The following F10 variants were observed in gnomAD, a reference collection of about 807,000 sequenced individuals.
F10 encodes coagulation factor X, also known as Stuart-Prower factor.
F10 carries 29 observed loss-of-function variants against 37.1 expected under a neutral mutation model. The ratio of observed to expected loss-of-function variants is 0.78; its 90% CI spans 0.58 to 1.07. F10 has a LOEUF of 1.07. Among genes scored for constraint, F10 ranks in the 50% least tolerant of loss-of-function variants. The probability of loss-of-function intolerance (pLI) is 0.00; values close to 1 mark genes in which losing one functional copy is unlikely to be tolerated. For synonymous variants in F10, 262 were observed against 268.6 expected (o/e 0.98, Z 0.24); for missense variants, 539 against 667.9 (o/e 0.81, Z 2.13).
At chr13:113,145,674 G>A (rs1311600931) in intron 6 of F10, among the ~76,000 whole-genome samples, 4 of 152,206 alleles carry the variant, frequency 2.6e-5, no homozygotes, top group Admixed American at 6.5e-5. Context: ...GGCTGGGGAG[G>A]CCTCACCGTC....
intron 2 of F10, among the ~76,000 whole-genome samples, chr13:113,133,931 G>A (rs184682235): frequency 3.9e-5 from 6 of 152,214 alleles, no homozygotes; most frequent in Admixed American, 3.9e-4. Flanking sequence ...ACATAATCAT[G>A]TCAATTGATG....
chr13:113,141,051 G>C lies in F10; in HGVS notation c.502+1G>C. 1.2e-6 allele frequency: 2 copies of C among 1,613,512 alleles called. No individual in the cohort carries two copies. Among genetic ancestry groups the C allele is most frequent in the Non-Finnish European group, 1.7e-6 (2 of 1,179,980 alleles). ...AACGGCAAGGCCTGCATTCCCACAG[G>C]TAGGAGGCACGTTGGGCCACAGCCA... On this transcript the variant is annotated splice_donor_variant, in intron 5 of 7. Coordinates refer to ENST00000375559, the MANE Select transcript of F10 (RefSeq NM_000504.4). LOFTEE classifies it high-confidence loss of function. This position sits in a 1 kb window ranked among gnomAD's most constrained non-coding sequence, Gnocchi z 5.4.
intron 7 of F10, among the ~76,000 whole-genome samples, chr13:113,148,345 A>ATATATAT (rs1555396301): frequency 5.2e-5 from 5 of 95,416 alleles, no homozygotes; most frequent in African/African-American, 1.6e-4. Context: ...AAAAAAAAAA[A>ATATATAT]ATATATATAT....
chr13:113,145,062 A>G, intron 6 of F10, among the ~76,000 whole-genome samples: 1 of 152,058 alleles, frequency 6.6e-6, no homozygotes, highest in Non-Finnish European at 1.5e-5. Context: ...TTGTATTTTT[A>G]GTAGAGACGG....
At chr13:113,128,860 G>C (rs967196007) in intron 1 of F10, 5 of 122,876 alleles carry the variant, frequency 4.1e-5, no homozygotes, top group African/African-American at 1.3e-4. Flanking sequence ...CAGCCTGGAT[G>C]ACAGAGCAAA....
rs758980620 is a variant in F10 at position 113,148,921 on chromosome 13, C to G, written c.871C>G (p.Arg291Gly). 1 of 1,613,342 alleles carries G rather than the reference C, an allele frequency of 6.2e-7. No individual in the cohort carries two copies. Among genetic ancestry groups the G allele is most frequent in the Non-Finnish European group, 8.5e-7 (1 of 1,179,886 alleles). Reference sequence around the variant, plus strand: ...GTCCCACTCGTCTGTCCCAGGGGACCGGAACACGGAGCAGGAGGAGGGCGG... The same window carrying G: ...GTCCCACTCGTCTGTCCCAGGGGACGGGAACACGGAGCAGGAGGAGGGCGG... Reference protein sequence around the residue: ...AKRFKVRVGDRNTEQEEGGEA... With the variant: ...AKRFKVRVGDGNTEQEEGGEA... The change falls in exon 8 of 8, where the codon CGG becomes GGG. Residue 291 changes from arginine to glycine, a missense_variant. Coordinates refer to ENST00000375559, the MANE Select transcript of F10 (RefSeq NM_000504.4).
intron 1 of F10, among the ~76,000 whole-genome samples, chr13:113,126,619 T>TG (rs1377420700): frequency 6.6e-6 from 1 of 152,048 alleles, no homozygotes; most frequent in Non-Finnish European, 1.5e-5. Context: ...AGCAGGCATA[T>TG]GTCCATCTGG....
chr13:113,140,742 C>T (rs908534550), intron 4 of F10, 177 bp from the exon 5 acceptor site: 24 of 896,794 alleles, frequency 2.7e-5, no homozygotes, highest in Middle Eastern at 2.4e-4. Context: ...ATGAGCTCCC[C>T]GTGACCCGTG....
intron 1 of F10, 74 bp downstream of exon 1, chr13:113,122,999 C>T: frequency 2.0e-6 from 3 of 1,518,178 alleles, no homozygotes; most frequent in Non-Finnish European, 2.7e-6. Context: ...GGGAAACCCT[C>T]TCATCTCTGC....
Position 113,144,129 on chromosome 13 carries a change from G to A in F10, c.747+34G>A. On this transcript the variant is annotated intron_variant, in intron 6 of 7. Transcript: ENST00000375559. This position sits in a 1 kb window ranked among gnomAD's most constrained non-coding sequence, Gnocchi z 6.4. ...AGGATGTCCCCTCGGGCCTGCTGGA[G>A]AGACCACCTGTCCCGCTGTGCACCT... The A allele has an allele frequency of 1.9e-6, 3 of 1,612,368 alleles. No individual in the cohort carries two copies. The South Asian group carries it at 3.3e-5, about 18-fold the overall frequency.
chr13:113,143,293 T>C lies in F10; in HGVS notation c.503-558T>C, dbSNP rs1041008291. On this transcript the variant is annotated intron_variant, in intron 5 of 7. Coordinates refer to ENST00000375559, the MANE Select transcript of F10 (RefSeq NM_000504.4). This position sits in a 1 kb window ranked among gnomAD's most constrained non-coding sequence, Gnocchi z 6.8. ...TCCTAACATCTCGGCGTGGCCTCTC[T>C]GGGAGCTGTGCTATTCCAGACGCTC... 1.3e-5 allele frequency among the ~76,000 whole-genome samples: 2 copies of C among 152,196 alleles called. No homozygotes were observed. Among genetic ancestry groups the C allele is most frequent in the African/African-American group, 4.8e-5 (2 of 41,452 alleles).
In F10 at chr13:113,149,203, G is replaced by A. The variant is rs542927834; in HGVS notation, c.1153G>A (p.Val385Met). ...TRLKMLEVPY[V>M]DRNSCKLSSS... ...GCTCAAGATGCTGGAGGTGCCCTACGTGGACCGCAACAGCTGCAAGCTGTC... is the reference window on the plus strand; with the variant it reads ...GCTCAAGATGCTGGAGGTGCCCTACATGGACCGCAACAGCTGCAAGCTGTC... The change falls in exon 8 of 8, where the codon GTG (valine) becomes ATG (methionine). Residue 385 changes from valine (V) to methionine (M), a missense_variant. Transcript: ENST00000375559. The surrounding 1 kb of genome is among the most constrained non-coding windows in gnomAD (Gnocchi z 7.5). The A allele has an allele frequency of 2.1e-5, 34 of 1,612,988 alleles. No individual in the cohort carries two copies. Among genetic ancestry groups the A allele is most frequent in the South Asian group, 1.9e-4 (17 of 91,066 alleles).
chr13:113,129,015 TCAAA>T (rs774367469), intron 1 of F10: 1 of 217,770 alleles, frequency 4.6e-6, no homozygotes, highest in South Asian at 7.2e-5. Context: ...TCAAAATATG[TCAAA>T]CAAATACAAT....
intron 2 of F10, chr13:113,130,280 A>C (rs1186769480): frequency 6.4e-6 from 1 of 155,252 alleles, no homozygotes; most frequent in Non-Finnish European, 1.4e-5. Context: ...GAGCAATGCC[A>C]CCAGGCCGCG....
chr13:113,128,148 T>G (rs1277481414), intron 1 of F10: 2 of 152,252 alleles, frequency 1.3e-5, no homozygotes, highest in Non-Finnish European at 2.9e-5. Context: ...AGCCAAACTC[T>G]GTAAAATATT....
Position 113,139,357 on chromosome 13 carries a change from A to G in F10, c.257A>G (p.Asp86Gly). The G allele has an allele frequency of 6.2e-7, 1 of 1,613,720 alleles. No homozygotes were observed. The highest frequency in any genetic ancestry group is 8.5e-7 in the Non-Finnish European group (1 of 1,179,684). The change falls in exon 4 of 8, where the codon GAT (aspartate) becomes GGT (glycine). Residue 86 changes from aspartate to glycine, a missense_variant and splice_region_variant. Physicochemically the swap from Asp to Gly is moderately conservative, Grantham distance 94 (BLOSUM62 -1). Around this residue, in one of 2 missense-constraint regions of F10, gnomAD observed 130 missense variants for 120.0 expected, o/e 1.08. Transcript: ENST00000375559. This position sits in a 1 kb window ranked among gnomAD's most constrained non-coding sequence, Gnocchi z 5.2. ...KTNEFWNKYKDGDQCETSPCQ... is the reference protein window; with the variant it reads ...KTNEFWNKYKGGDQCETSPCQ... ...CAGTTTCGAAATCCTCTCTTTGCAGATGGCGACCAGTGTGAGACCAGTCCT... is the reference window on the plus strand; with the variant it reads ...CAGTTTCGAAATCCTCTCTTTGCAGGTGGCGACCAGTGTGAGACCAGTCCT...
chr13:113,144,309 G>C lies in F10; in HGVS notation c.747+214G>C, dbSNP rs1216102387. The C allele has an allele frequency of 1.5e-6, 1 of 678,944 alleles. No homozygotes were observed. The highest frequency in any genetic ancestry group is 2.5e-6 in the Non-Finnish European group (1 of 404,442). The allele number at this position is 678,944 out of a possible 1,614,324, so 42.1% of individuals were successfully genotyped here. A position where few individuals can be genotyped will look rare whatever the true frequency, so the allele number is the denominator to read the frequency against. On this transcript the variant is annotated intron_variant, in intron 6 of 7. Coordinates refer to ENST00000375559, the MANE Select transcript of F10 (RefSeq NM_000504.4). The surrounding 1 kb of genome is among the most constrained non-coding windows in gnomAD (Gnocchi z 6.4). ...TCCACAGGGAAGTGGCCGGGGCTGAGGGAGAGGCTGGGCCCAGGCAACGCC... is the reference window on the plus strand; with the variant it reads ...TCCACAGGGAAGTGGCCGGGGCTGACGGAGAGGCTGGGCCCAGGCAACGCC...
In F10 at chr13:113,129,443, G is replaced by A; in HGVS notation, c.71-9G>A. 6.2e-7 allele frequency: 1 copy of A among 1,613,208 alleles called. No individual in the cohort carries two copies. Among genetic ancestry groups the A allele is most frequent in the Non-Finnish European group, 8.5e-7 (1 of 1,179,920 alleles). On this transcript the variant is annotated splice_polypyrimidine_tract_variant and intron_variant, in intron 1 of 7. Coordinates refer to ENST00000375559, the MANE Select transcript of F10 (RefSeq NM_000504.4). ...CAGAGCTTTTAACCCTGTCCTCCCT[G>A]CCTTCCAGTGTTCATCCGCAGGGAG...
Position 113,141,148 on chromosome 13 carries a change from C to T in F10, c.502+98C>T, listed in dbSNP as rs1156702275. ...GGTGGGGACACAGGCATGTTCTGGGCGGGCCTGGCAGGTAACAGTGACACC... is the reference window on the plus strand; with the variant it reads ...GGTGGGGACACAGGCATGTTCTGGGTGGGCCTGGCAGGTAACAGTGACACC... On this transcript the variant is annotated intron_variant, in intron 5 of 7. Coordinates refer to ENST00000375559, the MANE Select transcript of F10 (RefSeq NM_000504.4). The surrounding 1 kb of genome is among the most constrained non-coding windows in gnomAD (Gnocchi z 5.4). 2.1e-5 allele frequency: 33 copies of T among 1,550,382 alleles called. No individual in the cohort carries two copies. The highest frequency in any genetic ancestry group is 1.4e-4 in the South Asian group (12 of 87,400).
Sources: gnomAD v4.1 joint callset for allele counts (sites outside exome capture counted in the v4.1 genomes callset) on GRCh38, gnomAD v4.1.1 for gene constraint, gnomAD v4.1.1 regional missense constraint, Gnocchi (gnomAD v3.1) non-coding constraint, MANE v1.5 for transcripts, NCBI Gene and HGNC (gene_info 2026-07-23, HGNC 2026-07-21) for gene names.